ARHGAP23: variants seen among roughly 807,000 people sequenced by gnomAD.
The protein encoded by ARHGAP23 is Rho GTPase activating protein 23, also known as rho GTPase-activating protein 23.
ARHGAP23 carries 34 observed loss-of-function variants against 136.3 expected under a neutral mutation model. The observed-to-expected ratio is 0.25, with a 90% confidence interval of 0.19 to 0.33. ARHGAP23 has a LOEUF of 0.33. ARHGAP23 is among the 10% of genes least tolerant of loss of function. ARHGAP23 has a pLI of 1.00. For missense variants in ARHGAP23, 1,808 were observed against 2,139.0 expected (o/e 0.85, Z 3.05); for synonymous variants, 832 against 920.5 (o/e 0.90, Z 1.74).
At position 38,469,563 on chromosome 17, in the gene ARHGAP23, C is replaced by T. The variant is rs1283845492; in HGVS notation, c.1844C>T (p.Ala615Val). 5 of 1,548,696 alleles carry T rather than the reference C, an allele frequency of 3.2e-6. No homozygotes were observed. The African/African-American group carries it at 5.5e-5, about 17-fold the overall frequency. Residue 615 changes from alanine to valine, a missense_variant, in exon 9 of 24, where the codon GCC becomes GTC. By Grantham distance (64) the Ala-to-Val change is moderately conservative. Coordinates refer to ENST00000622683, the MANE Select transcript of ARHGAP23 (RefSeq NM_001199417.2). ...GGCCGCCGCTCCTCCTACCTGCTGG[C>T]CATCACCACGGAGCGCTCCAAGTCC... Reference protein sequence around the residue: ...KAGRRSSYLLAITTERSKSCD... With the variant: ...KAGRRSSYLLVITTERSKSCD...
At chr17:38,437,472 C>G (rs957659942) in intron 1 of ARHGAP23, among the ~76,000 whole-genome samples, 10 of 151,956 alleles carry the variant, frequency 6.6e-5, no homozygotes, top group Admixed American at 6.6e-5. Flanking sequence ...AAAAAATTAG[C>G]CAGGTGTGGT....
At chr17:38,470,592 A>G (rs1360369753) in intron 10 of ARHGAP23, among the ~76,000 whole-genome samples, 1 of 152,220 alleles carries the variant, frequency 6.6e-6, no homozygotes, top group African/African-American at 2.4e-5. Context: ...TCTGGAGTGC[A>G]GTGGCATGAT....
At chr17:38,446,670 G>A (rs987491302) in intron 1 of ARHGAP23, among the ~76,000 whole-genome samples, 7 of 149,516 alleles carry the variant, frequency 4.7e-5, no homozygotes, top group African/African-American at 1.2e-4. Context: ...GGAGTGCAAC[G>A]GCGCGCTCTT....
rs1485574528 is a variant in ARHGAP23 at position 38,458,090 on chromosome 17, T to C, written c.64-12T>C. The C allele has an allele frequency of 3.3e-6, 5 of 1,535,968 alleles. No homozygotes were observed. Among genetic ancestry groups the C allele is most frequent in the Admixed American group, 2.0e-5 (1 of 50,998 alleles). On this transcript the variant is annotated splice_polypyrimidine_tract_variant and intron_variant, in intron 1 of 23. Coordinates refer to ENST00000622683, the MANE Select transcript of ARHGAP23 (RefSeq NM_001199417.2). The stretch of plus-strand genomic sequence containing the variant: ...ACACGGGCGCTCAGCCTGGCCTCTC[T>C]GTCTCCCACAGCTGCCACTGGGCCC...
intron 1 of ARHGAP23, among the ~76,000 whole-genome samples, chr17:38,449,440 G>A (rs1232412154): frequency 6.6e-6 from 1 of 152,180 alleles, no homozygotes; most frequent in Non-Finnish European, 1.5e-5. Flanking sequence ...TTGCTTGGCC[G>A]GCTCATCAAC....
intron 7 of ARHGAP23, 22 bp from the exon 8 acceptor site, chr17:38,469,122 C>G: frequency 5.2e-6 from 8 of 1,538,672 alleles, no homozygotes; most frequent in Non-Finnish European, 7.0e-6. Context: ...GCCTTCACAC[C>G]TTTCTCCTTC....
At chr17:38,482,240 A>G (rs1383736638) in intron 15 of ARHGAP23, 97 bp downstream of exon 15, 1 of 1,507,284 alleles carries the variant, frequency 6.6e-7, no homozygotes, top group Non-Finnish European at 8.8e-7. Flanking sequence ...TCTCCACCTC[A>G]TTGTACAAAC....
intron 1 of ARHGAP23, among the ~76,000 whole-genome samples, chr17:38,435,396 G>C (rs1412718227): frequency 2.0e-5 from 3 of 152,186 alleles, no homozygotes; most frequent in Non-Finnish European, 4.4e-5. Context: ...CATGAAAAGA[G>C]GGAGAGGAAG....
upstream of ARHGAP23, among the ~76,000 whole-genome samples, chr17:38,426,048 C>G (rs952904014): frequency 5.9e-5 from 9 of 151,908 alleles, no homozygotes; most frequent in African/African-American, 2.2e-4. Flanking sequence ...CCAGGGGCAC[C>G]CCACGGCCAC....
rs1341936730 is a variant in ARHGAP23 at position 38,431,876 on chromosome 17, C to T, written c.63+3328C>T. Among the ~76,000 whole-genome samples, 4 of 152,292 alleles carry T rather than the reference C, an allele frequency of 2.6e-5. No individual in the cohort carries two copies. In the East Asian group the frequency reaches 5.8e-4, roughly 22 times the overall value. On this transcript the variant is annotated intron_variant, in intron 1 of 23. Coordinates refer to ENST00000622683, the MANE Select transcript of ARHGAP23 (RefSeq NM_001199417.2). Reference sequence around the variant, plus strand: ...TCCCTCTGTGGTTGGTTCTGTCCTTCGTGGCCCCCCTCAGTGCAGGGTTCA... The same window carrying T: ...TCCCTCTGTGGTTGGTTCTGTCCTTTGTGGCCCCCCTCAGTGCAGGGTTCA...
intron 1 of ARHGAP23, among the ~76,000 whole-genome samples, chr17:38,440,224 G>A (rs1447983666): frequency 6.6e-6 from 1 of 151,830 alleles, no homozygotes; most frequent in African/African-American, 2.4e-5. Context: ...TCACCATGTT[G>A]GCCAAGCTGG....
At chr17:38,502,502 A>C (rs2040544112) in intron 23 of ARHGAP23, among the ~76,000 whole-genome samples, 1 of 152,228 alleles carries the variant, frequency 6.6e-6, no homozygotes, top group Non-Finnish European at 1.5e-5. Context: ...ATAATGAGCC[A>C]AACAGATAGG....
At chr17:38,421,161 G>A (rs1485109467) in intron 1 of ARHGAP23, among the ~76,000 whole-genome samples, 4 of 152,250 alleles carry the variant, frequency 2.6e-5, no homozygotes, top group African/African-American at 9.6e-5. Context: ...GAAACATCAA[G>A]GGGAGTCAGG....
At chr17:38,447,889 G>A (rs1038224301) in intron 1 of ARHGAP23, among the ~76,000 whole-genome samples, 3 of 152,198 alleles carry the variant, frequency 2.0e-5, no homozygotes, top group Admixed American at 6.5e-5. Flanking sequence ...CTGGCTAGAC[G>A]CACCCTTTTC....
chr17:38,466,599 C>T lies in ARHGAP23; in HGVS notation c.916C>T (p.Pro306Ser). Reference protein sequence around the residue: ...VPRRAGERRCPAMAPRARSAS... With the variant: ...VPRRAGERRCSAMAPRARSAS... ...CCGCCGGGCGGGGGAGAGACGGTGC[C>T]CAGCCATGGCCCCCCGGGCCCGCAG... is the stretch of plus-strand genomic sequence containing the variant. The change falls in exon 7 of 24, where the codon CCA (proline) becomes TCA (serine). Residue 306 changes from proline (P) to serine (S), a missense_variant. Around this residue, in one of 7 missense-constraint regions of ARHGAP23, gnomAD observed 859 missense variants for 936.4 expected, o/e 0.92. Transcript: ENST00000622683. The T allele has an allele frequency of 2.0e-6, 3 of 1,512,160 alleles. No homozygotes were observed. Among genetic ancestry groups the T allele is most frequent in the Non-Finnish European group, 2.6e-6 (3 of 1,135,448 alleles). 93.7% of individuals were successfully genotyped at this position (1,512,160 alleles called of 1,614,324 possible).
chr17:38,482,762 G>A (rs2040076256), intron 16 of ARHGAP23, 84 bp downstream of exon 16: 2 of 1,383,080 alleles, frequency 1.4e-6, no homozygotes, highest in African/African-American at 1.4e-5. Context: ...GTGGTCTATT[G>A]TGTTGCATGC....
At chr17:38,461,473 A>C (rs763727468) in intron 3 of ARHGAP23, among the ~76,000 whole-genome samples, 3 of 152,176 alleles carry the variant, frequency 2.0e-5, no homozygotes, top group Non-Finnish European at 4.4e-5. Flanking sequence ...AGGTTATTCA[A>C]GGCAGAGTGC....
At chr17:38,429,403 G>C (rs1437918339) in intron 1 of ARHGAP23, among the ~76,000 whole-genome samples, 2 of 152,248 alleles carry the variant, frequency 1.3e-5, no homozygotes. Context: ...TAAGTTGAAG[G>C]GTTGAACACT....
At chr17:38,429,301 C>T (rs1024530980) in intron 1 of ARHGAP23, among the ~76,000 whole-genome samples, 1 of 152,256 alleles carries the variant, frequency 6.6e-6, no homozygotes, top group Non-Finnish European at 1.5e-5. Flanking sequence ...CAGCAGGGGC[C>T]TCCCAGCCCC....
Sources: allele counts gnomAD v4.1 joint callset (sites outside exome capture counted in the v4.1 genomes callset), GRCh38; gene constraint gnomAD v4.1.1; regional missense constraint gnomAD v4.1.1; transcripts MANE v1.5; gene names NCBI Gene and HGNC (gene_info 2026-07-23, HGNC 2026-07-21).